Variants in TOP1 observed in about 807,000 individuals in gnomAD.
TOP1 encodes DNA topoisomerase I.
TOP1 carries 10 observed loss-of-function variants against 111.1 expected under a neutral mutation model. That is an observed-to-expected ratio of 0.09 (90% CI 0.06 to 0.15). The LOEUF is 0.15. TOP1 is among the 10% of genes least tolerant of loss of function. TOP1 has a pLI of 1.00. For missense variants in TOP1, 474 were observed against 926.7 expected (o/e 0.51, Z 6.34); for synonymous variants, 271 against 302.9 (o/e 0.89, Z 1.10).
intron 9 of TOP1, among the ~76,000 whole-genome samples, chr20:41,096,847 G>A (rs1306808103): frequency 6.6e-6 from 1 of 152,096 alleles, no homozygotes; most frequent in Admixed American, 6.5e-5. Context: ...CTTAGCAGTG[G>A]CAGGAGTCCC....
At chr20:41,119,414 A>G (rs2034386318) in intron 18 of TOP1, among the ~76,000 whole-genome samples, 1 of 152,270 alleles carries the variant, frequency 6.6e-6, no homozygotes, top group South Asian at 2.1e-4. Context: ...GAGTAATTCA[A>G]GACCAACCTG....
At chr20:41,066,845 C>T (rs1355932114) in intron 3 of TOP1, among the ~76,000 whole-genome samples, 3 of 152,068 alleles carry the variant, frequency 2.0e-5, no homozygotes, top group Non-Finnish European at 4.4e-5. Context: ...TGAGCCACCG[C>T]GCCTGGCCAC....
At chr20:41,056,354 A>G (rs553058821) in intron 2 of TOP1, among the ~76,000 whole-genome samples, 1 of 152,256 alleles carries the variant, frequency 6.6e-6, no homozygotes, top group African/African-American at 2.4e-5. Flanking sequence ...ATAAATTTAT[A>G]TTTACTCAGA....
intron 2 of TOP1, among the ~76,000 whole-genome samples, chr20:41,060,964 A>G (rs2033537344): frequency 6.6e-6 from 1 of 152,136 alleles, no homozygotes. Context: ...ATTGTATTTT[A>G]TTGTTTAGAC....
intron 5 of TOP1, 145 bp downstream of exon 5, chr20:41,077,782 C>T (rs911013908): frequency 2.3e-5 from 16 of 693,236 alleles, no homozygotes; most frequent in South Asian, 2.1e-4. Flanking sequence ...TGAGAAGACT[C>T]GGTCTAAGCC....
In TOP1 at chr20:41,106,702, AGTG is replaced by A. The variant is rs1453084059; in HGVS notation, c.1308+5352_1308+5354del. Among the ~76,000 whole-genome samples, 1 of 152,040 alleles carries A rather than the reference AGTG, an allele frequency of 6.6e-6. No individual in the cohort carries two copies. Among genetic ancestry groups the A allele is most frequent in the Non-Finnish European group, 1.5e-5 (1 of 67,980 alleles). ...TTATGTTTCTGTTGGTTATTCCTGA[AGTG>A]GTAATGCTTATAATTTTGGGGTGTT... On this transcript the variant is annotated intron_variant, in intron 13 of 20. Coordinates refer to ENST00000361337, the MANE Select transcript of TOP1 (RefSeq NM_003286.4). This position sits in a 1 kb window ranked among gnomAD's most constrained non-coding sequence, Gnocchi z 4.3.
At chr20:41,033,157 A>G (rs956950216) in intron 2 of TOP1, among the ~76,000 whole-genome samples, 1 of 152,134 alleles carries the variant, frequency 6.6e-6, no homozygotes, top group African/African-American at 2.4e-5. Context: ...GGATGTTTCT[A>G]GTAAAAACAA....
At position 41,123,215 on chromosome 20, in the gene TOP1, C is replaced by T; in HGVS notation, c.2216C>T (p.Pro739Leu). ...TGCAGGTGCAAGAAGTGGGGTGTCC[C>T]AATTGAGAAGATTTACAACAAAACC... is the stretch of plus-strand genomic sequence containing the variant. The part of the protein sequence containing the change: ...TVAWCKKWGV[P>L]IEKIYNKTQR... The change falls in exon 21 of 21, where the codon CCA (proline) becomes CTA (leucine). Residue 739 changes from proline (P) to leucine (L), a missense_variant. This residue lies in a region of TOP1 where 26 missense variants were observed against 81.8 expected (regional missense o/e 0.32). Transcript: ENST00000361337. This position sits in a 1 kb window ranked among gnomAD's most constrained non-coding sequence, Gnocchi z 5.8. 6.2e-7 allele frequency: 1 copy of T among 1,614,012 alleles called. No individual in the cohort carries two copies. The highest frequency in any genetic ancestry group is 1.1e-5 in the South Asian group (1 of 91,076).
At chr20:41,056,298 T>C (rs2033470018) in intron 2 of TOP1, among the ~76,000 whole-genome samples, 2 of 152,202 alleles carry the variant, frequency 1.3e-5, no homozygotes, top group Non-Finnish European at 1.5e-5. Context: ...GGTTAGTTCT[T>C]TTGTACTGAC....
chr20:41,107,909 C>A lies in TOP1; in HGVS notation c.1309-4873C>A, dbSNP rs6016514. Among the ~76,000 whole-genome samples, 1,219 of 152,308 alleles carry A rather than the reference C, an allele frequency of 8.0e-3. 11 individuals carry two copies. Among genetic ancestry groups the A allele is most frequent in the African/African-American group, 0.027 (1,128 of 41,568 alleles). On this transcript the variant is annotated intron_variant, in intron 13 of 20. Coordinates refer to ENST00000361337, the MANE Select transcript of TOP1 (RefSeq NM_003286.4). ...ATAAGGCCCCTGACTTCAAGTCCCC[C>A]CTTCTTGCATGGAGCAAGAAGTGAT...
At position 41,069,571 on chromosome 20, in the gene TOP1, T is replaced by G. The variant is rs2033646558; in HGVS notation, c.156-6600T>G. ...GATAACAGTACCTGCTTTATCAATC[T>G]TTCAAGTTTGTTTATGCACATGACA... On this transcript the variant is annotated intron_variant, in intron 3 of 20. Coordinates refer to ENST00000361337, the MANE Select transcript of TOP1 (RefSeq NM_003286.4). This position sits in a 1 kb window ranked among gnomAD's most constrained non-coding sequence, Gnocchi z 4.1. Among the ~76,000 whole-genome samples the G allele has an allele frequency of 6.6e-6, 1 of 152,234 alleles. No homozygotes were observed. Among genetic ancestry groups the G allele is most frequent in the Non-Finnish European group, 1.5e-5 (1 of 68,038 alleles).
In TOP1 at chr20:41,061,907, G is replaced by A. The variant is rs569643711; in HGVS notation, c.155+417G>A. Among the ~76,000 whole-genome samples the A allele has an allele frequency of 3.3e-5, 5 of 152,134 alleles. No homozygotes were observed. The highest frequency in any genetic ancestry group is 9.6e-5 in the African/African-American group (4 of 41,518). On this transcript the variant is annotated intron_variant, in intron 3 of 20. Coordinates refer to ENST00000361337, the MANE Select transcript of TOP1 (RefSeq NM_003286.4). This position sits in a 1 kb window ranked among gnomAD's most constrained non-coding sequence, Gnocchi z 4.6. Reference sequence around the variant, plus strand: ...AAAATTCTTAACTTGGGCTTCCATGGTCTGTTAGCCCCTGAAATTATATGC... The same window carrying A: ...AAAATTCTTAACTTGGGCTTCCATGATCTGTTAGCCCCTGAAATTATATGC...
At chr20:41,117,677 G>A (rs1007149246) in intron 17 of TOP1, among the ~76,000 whole-genome samples, 14 of 151,938 alleles carry the variant, frequency 9.2e-5, no homozygotes, top group Admixed American at 2.0e-4. Context: ...GAGCCACCGC[G>A]CCCGGCCAAA....
intron 2 of TOP1, among the ~76,000 whole-genome samples, chr20:41,054,316 C>T (rs905708841): frequency 6.6e-6 from 1 of 152,068 alleles, no homozygotes; most frequent in Non-Finnish European, 1.5e-5. Context: ...CCGCACCTGC[C>T]CCACTTTGCT....
At chr20:41,113,926 T>C (rs1438748444) in intron 14 of TOP1, 44 bp from the exon 15 acceptor site, 2 of 1,409,738 alleles carry the variant, frequency 1.4e-6, no homozygotes, top group Admixed American at 1.8e-5. Flanking sequence ...GTAAGGATCA[T>C]GTCTCTTCCA....
In TOP1 at chr20:41,114,026, C is replaced by T. The variant is rs2145965811; in HGVS notation, c.1509C>T (p.Gly503=). Residue 503 remains glycine, a synonymous_variant, in exon 15 of 21, where the codon GGC becomes GGT. Coordinates refer to ENST00000361337, the MANE Select transcript of TOP1 (RefSeq NM_003286.4). The surrounding 1 kb of genome is among the most constrained non-coding windows in gnomAD (Gnocchi z 4.5). ...AAGGAGAAACAGCGGACACTGTGGGCTGCTGCTCACTTCGTGTGGAGCACA... is the reference window on the plus strand; with the variant it reads ...AAGGAGAAACAGCGGACACTGTGGGTTGCTGCTCACTTCGTGTGGAGCACA... The part of the protein sequence containing the change: ...KEEGETADTV[G]CCSLRVEHIN... The T allele has an allele frequency of 6.2e-7, 1 of 1,614,028 alleles. No individual in the cohort carries two copies. Among genetic ancestry groups the T allele is most frequent in the Non-Finnish European group, 8.5e-7 (1 of 1,179,902 alleles).
At position 41,109,717 on chromosome 20, in the gene TOP1, G is replaced by C. The variant is rs918862488; in HGVS notation, c.1309-3065G>C. Among the ~76,000 whole-genome samples, 4 of 152,218 alleles carry C rather than the reference G, an allele frequency of 2.6e-5. No homozygotes were observed. The highest frequency in any genetic ancestry group is 4.4e-5 in the Non-Finnish European group (3 of 68,042). ...TCAATAAATAAGCAAATGAAAGAGT[G>C]CTCGACATCACTAATTATCAGTGGA... On this transcript the variant is annotated intron_variant, in intron 13 of 20. Coordinates refer to ENST00000361337, the MANE Select transcript of TOP1 (RefSeq NM_003286.4). The surrounding 1 kb of genome is among the most constrained non-coding windows in gnomAD (Gnocchi z 4.1).
At position 41,114,054 on chromosome 20, in the gene TOP1, A is replaced by G. The variant is rs1431493826; in HGVS notation, c.1537A>G (p.Asn513Asp). 6.2e-7 allele frequency: 1 copy of G among 1,611,548 alleles called. No individual in the cohort carries two copies. The highest frequency in any genetic ancestry group is 8.5e-7 in the Non-Finnish European group (1 of 1,178,932). ...GCCSLRVEHI[N>D]LHPELDGQEY... ...CTGCTCACTTCGTGTGGAGCACATC[A>G]ATCTACACCCAGAGTTGGATGGTCA... is the stretch of plus-strand genomic sequence containing the variant. The change falls in exon 15 of 21, where the codon AAT (asparagine) becomes GAT (aspartate). Residue 513 changes from asparagine to aspartate, a missense_variant. Physicochemically the swap from Asn to Asp is conservative, Grantham distance 23. This residue lies in a region of TOP1 where 18 missense variants were observed against 16.4 expected (regional missense o/e 1.10). Coordinates refer to ENST00000361337, the MANE Select transcript of TOP1 (RefSeq NM_003286.4). This position sits in a 1 kb window ranked among gnomAD's most constrained non-coding sequence, Gnocchi z 4.5.
chr20:41,086,539 C>T (rs1364779279), intron 8 of TOP1, among the ~76,000 whole-genome samples: 2 of 152,214 alleles, frequency 1.3e-5, no homozygotes, highest in African/African-American at 4.8e-5. Flanking sequence ...CTCCCCTTTA[C>T]TTCGGAGCTT....
Sources: allele counts gnomAD v4.1 joint callset (sites outside exome capture counted in the v4.1 genomes callset), GRCh38; gene constraint gnomAD v4.1.1; regional missense constraint gnomAD v4.1.1; non-coding constraint Gnocchi (gnomAD v3.1); transcripts MANE v1.5; gene names NCBI Gene and HGNC (gene_info 2026-07-23, HGNC 2026-07-21).